Variants in LRRC28 observed in about 807,000 individuals in gnomAD.
LRRC28 encodes leucine rich repeat containing 28.
In LRRC28, 39 loss-of-function variants were observed where a neutral mutation model predicts 45.7. That is an observed-to-expected ratio of 0.85 (90% CI 0.66 to 1.12). The LOEUF (loss-of-function observed/expected upper bound fraction) is 1.12. Ranked by LOEUF, LRRC28 falls within the 50% of genes most tolerant of loss-of-function variation. The probability of loss-of-function intolerance (pLI) is 0.00; values close to 1 mark genes in which losing one functional copy is unlikely to be tolerated. For synonymous variants in LRRC28, 206 were observed against 178.8 expected (o/e 1.15, Z -1.22); for missense variants, 435 against 438.5 (o/e 0.99, Z 0.07).
intron 5 of LRRC28, among the ~76,000 whole-genome samples, chr15:99,297,911 G>T (rs2082306438): frequency 6.6e-6 from 1 of 151,976 alleles, no homozygotes; most frequent in South Asian, 2.1e-4. Context: ...AAGAAAAAAG[G>T]TTTTGTTTTC....
At chr15:99,353,436 T>C (rs533588610) in intron 7 of LRRC28, among the ~76,000 whole-genome samples, 31 of 152,326 alleles carry the variant, frequency 2.0e-4, no homozygotes, top group African/African-American at 7.5e-4. Context: ...GGAAAACTTA[T>C]GCAGCTGTCT....
chr15:99,278,399 C>T (rs2081680289), intron 3 of LRRC28, among the ~76,000 whole-genome samples: 1 of 152,234 alleles, frequency 6.6e-6, no homozygotes, highest in Non-Finnish European at 1.5e-5. Flanking sequence ...AGGCATCCGC[C>T]ACCACGCCTG....
intron 5 of LRRC28, among the ~76,000 whole-genome samples, chr15:99,305,419 ACATATT>A (rs1189367532): frequency 6.6e-6 from 1 of 152,244 alleles, no homozygotes; most frequent in Non-Finnish European, 1.5e-5. Context: ...ATTTTCTAGC[ACATATT>A]CATTTAATTT....
chr15:99,358,603 A>G (rs1957111470), intron 7 of LRRC28, among the ~76,000 whole-genome samples: 2 of 152,216 alleles, frequency 1.3e-5, no homozygotes. Context: ...GAAACAGACT[A>G]AAGACTCCAG....
intron 5 of LRRC28, among the ~76,000 whole-genome samples, chr15:99,322,154 G>A (rs758063480): frequency 2.0e-5 from 3 of 152,154 alleles, no homozygotes; most frequent in Admixed American, 6.6e-5. Context: ...AGATTGTAGC[G>A]AGGTGGGGAA....
intron 3 of LRRC28, among the ~76,000 whole-genome samples, chr15:99,281,978 A>G (rs1337145386): frequency 6.6e-6 from 1 of 151,546 alleles, no homozygotes; most frequent in Non-Finnish European, 1.5e-5. Flanking sequence ...ATTTTTTGAG[A>G]TGGGGGTCCC....
At chr15:99,343,859 C>T (rs11855271) in intron 6 of LRRC28, among the ~76,000 whole-genome samples, 5 of 152,100 alleles carry the variant, frequency 3.3e-5, no homozygotes, top group Non-Finnish European at 4.4e-5. Flanking sequence ...AGTACACGTT[C>T]GTATTTCAGC....
intron 2 of LRRC28, among the ~76,000 whole-genome samples, chr15:99,265,553 C>T (rs1013704655): frequency 1.3e-5 from 2 of 152,150 alleles, no homozygotes; most frequent in African/African-American, 4.8e-5. Flanking sequence ...AGCCTTACAA[C>T]CTTCCCTGCA....
chr15:99,263,191 G>A (rs927638489), intron 2 of LRRC28, among the ~76,000 whole-genome samples: 2 of 150,416 alleles, frequency 1.3e-5, no homozygotes, highest in South Asian at 2.1e-4. Flanking sequence ...GGTGGCGTGT[G>A]CCTGTAGTCC....
At chr15:99,368,422 A>G (rs1957397216) in intron 9 of LRRC28, among the ~76,000 whole-genome samples, 4 of 152,222 alleles carry the variant, frequency 2.6e-5, no homozygotes, top group South Asian at 2.1e-4. Flanking sequence ...GTGAAATTCC[A>G]TTAGATTTTA....
At chr15:99,274,265 G>C (rs994001403) in intron 2 of LRRC28, among the ~76,000 whole-genome samples, 1 of 152,202 alleles carries the variant, frequency 6.6e-6, no homozygotes, top group Non-Finnish European at 1.5e-5. Context: ...TAAGCAGTTT[G>C]TGATACTGTT....
rs573670457 is a variant in LRRC28 at position 99,256,032 on chromosome 15, G to A, written c.75G>A (p.Arg25=). The A allele has an allele frequency of 1.1e-4, 172 of 1,613,794 alleles. No homozygotes were observed. In the South Asian group the frequency reaches 1.6e-3, roughly 15 times the overall value. ...EKHKNLFLNY[R]NLHHFPLELL... is the part of the protein sequence containing the mutation. Reference sequence around the variant, plus strand: ...ACAAGAATTTGTTCTTAAATTATAGGAATCTGCACCATTTTCCATTGGAGT... The same window carrying A: ...ACAAGAATTTGTTCTTAAATTATAGAAATCTGCACCATTTTCCATTGGAGT... The change falls in exon 2 of 10, where the codon AGG becomes AGA. Residue 25 remains arginine (R), a synonymous_variant. Coordinates refer to ENST00000301981, the MANE Select transcript of LRRC28 (RefSeq NM_144598.5).
intron 6 of LRRC28, among the ~76,000 whole-genome samples, chr15:99,337,185 CT>C (rs1956353531): frequency 6.6e-6 from 1 of 152,226 alleles, no homozygotes; most frequent in African/African-American, 2.4e-5. Context: ...TCATTCCTGC[CT>C]TTCTTTCAGC....
At chr15:99,354,082 C>G (rs919633710) in intron 7 of LRRC28, 1 of 152,020 alleles carries the variant, frequency 6.6e-6, no homozygotes, top group African/African-American at 2.4e-5. Flanking sequence ...ATCAAACAAC[C>G]AGTTTTCTAA....
chr15:99,325,818 G>A (rs766419754), intron 5 of LRRC28, among the ~76,000 whole-genome samples: 2 of 152,186 alleles, frequency 1.3e-5, no homozygotes, highest in African/African-American at 2.4e-5. Flanking sequence ...CTAGTAAGAC[G>A]GTGTTAGAGA....
chr15:99,339,228 C>T (rs371812653), intron 6 of LRRC28, among the ~76,000 whole-genome samples: 14 of 152,218 alleles, frequency 9.2e-5, no homozygotes, highest in African/African-American at 1.7e-4. Context: ...ATTATCCAGG[C>T]GTGTTTACAA....
At chr15:99,254,375 T>C (rs2080954655) in intron 1 of LRRC28, among the ~76,000 whole-genome samples, 2 of 152,226 alleles carry the variant, frequency 1.3e-5, no homozygotes, top group African/African-American at 4.8e-5. Flanking sequence ...TAATAAAATA[T>C]AGCCAGAAAA....
At chr15:99,331,606 C>T (rs769721944) in intron 5 of LRRC28, among the ~76,000 whole-genome samples, 18 of 152,144 alleles carry the variant, frequency 1.2e-4, no homozygotes, top group Non-Finnish European at 2.2e-4. Flanking sequence ...TAAGAATCTT[C>T]GGGAGATGTC....
chr15:99,365,882 C>T (rs1305073197), intron 9 of LRRC28, among the ~76,000 whole-genome samples: 1 of 152,134 alleles, frequency 6.6e-6, no homozygotes, highest in African/African-American at 2.4e-5. Flanking sequence ...AGAAGAATAG[C>T]TAGTAAATTC....
Sources: allele counts gnomAD v4.1 joint callset (sites outside exome capture counted in the v4.1 genomes callset), GRCh38; gene constraint gnomAD v4.1.1; transcripts MANE v1.5; gene names NCBI Gene and HGNC (gene_info 2026-07-23, HGNC 2026-07-21).